Variants in TMEM150C observed in about 807,000 individuals in gnomAD.
The protein encoded by TMEM150C is tentonin 3.
A neutral mutation model predicts 29.9 loss-of-function variants in TMEM150C; 10 were observed. The ratio of observed to expected loss-of-function variants is 0.33; its 90% CI spans 0.21 to 0.57. TMEM150C has a LOEUF of 0.57. Among genes scored for constraint, TMEM150C ranks in the 20% least tolerant of loss-of-function variants. The probability of loss-of-function intolerance (pLI) is 0.88; values close to 1 mark genes in which losing one functional copy is unlikely to be tolerated. For synonymous variants in TMEM150C, 101 were observed against 112.5 expected, an observed-to-expected ratio of 0.90 and a Z score of 0.64; for missense variants, 251 against 303.6, an observed-to-expected ratio of 0.83 and a Z score of 1.29.
In TMEM150C at chr4:82,518,723, C is replaced by T. The variant is rs1254152438; in HGVS notation, c.-10-14056G>A. ...CTGCCCAGTTTCTAGACAATGGGCACTGTTGTACCTTTCAGGACTTGCCAC... is the reference window on the plus strand; with the variant it reads ...CTGCCCAGTTTCTAGACAATGGGCATTGTTGTACCTTTCAGGACTTGCCAC... On this transcript the variant is annotated intron_variant, in intron 1 of 7. Transcript: ENST00000449862. 2.6e-5 allele frequency among the ~76,000 whole-genome samples: 4 copies of T among 152,344 alleles called. No homozygotes were observed. The East Asian group carries it at 5.8e-4, about 22-fold the overall frequency.
At chr4:82,491,682 T>C (rs1723354243) in intron 6 of TMEM150C, 2 of 479,400 alleles carry the variant, frequency 4.2e-6, no homozygotes. Context: ...TTTTTATTTT[T>C]ATAGAGATGG....
chr4:82,491,223 G>A, intron 6 of TMEM150C: 1 of 686,892 alleles, frequency 1.5e-6, no homozygotes, highest in Admixed American at 2.0e-5. Flanking sequence ...TCGAAGGGCA[G>A]GTGGTCTCTT....
At chr4:82,493,508 G>A (rs1723438241) in intron 6 of TMEM150C, among the ~76,000 whole-genome samples, 1 of 152,120 alleles carries the variant, frequency 6.6e-6, no homozygotes, top group African/African-American at 2.4e-5. Context: ...CATGTATTCT[G>A]TTATATTCCG....
chr4:82,527,059 A>G (rs1578142170), intron 1 of TMEM150C, among the ~76,000 whole-genome samples: 1 of 109,358 alleles, frequency 9.1e-6, no homozygotes, highest in Non-Finnish European at 1.7e-5. Flanking sequence ...ATAATTGCCC[A>G]TATCTCCTAT....
chr4:82,516,804 G>A (rs1458553140), intron 1 of TMEM150C, among the ~76,000 whole-genome samples: 1 of 152,158 alleles, frequency 6.6e-6, no homozygotes, highest in Admixed American at 6.5e-5. Flanking sequence ...CCTTCAAATA[G>A]TCTCTTAGAA....
At position 82,519,089 on chromosome 4, in the gene TMEM150C, G is replaced by A. The variant is rs192487251; in HGVS notation, c.-10-14422C>T. Among the ~76,000 whole-genome samples the A allele has an allele frequency of 2.6e-5, 4 of 152,274 alleles. No individual in the cohort carries two copies. The East Asian group carries it at 5.8e-4, about 22-fold the overall frequency. ...AGCAAACTGCTTTGATTTGGAGGAC[G>A]AGTGTTAGTCTTCTGGAAAGAGGCA... is the stretch of plus-strand genomic sequence containing the variant. On this transcript the variant is annotated intron_variant, in intron 1 of 7. Coordinates refer to ENST00000449862, the MANE Select transcript of TMEM150C (RefSeq NM_001080506.3).
chr4:82,490,201 G>T lies in TMEM150C; in HGVS notation c.401C>A (p.Ser134Tyr). Residue 134 changes from serine to tyrosine, a missense_variant, in exon 7 of 8, where the codon TCC becomes TAC. Coordinates refer to ENST00000449862, the MANE Select transcript of TMEM150C (RefSeq NM_001080506.3). ...CAATGTGCCAAATCCAAAGGTCAAGGAAGTTCCGACGTTATGGATTTCTTC... is the reference window on the plus strand; with the variant it reads ...CAATGTGCCAAATCCAAAGGTCAAGTAAGTTCCGACGTTATGGATTTCTTC... ...NDEEIHNVGTSLTFGFGTLTC... is the reference protein window; with the variant it reads ...NDEEIHNVGTYLTFGFGTLTC... 1 of 1,614,020 alleles carries T rather than the reference G, an allele frequency of 6.2e-7. No homozygotes were observed. Among genetic ancestry groups the T allele is most frequent in the African/African-American group, 1.3e-5 (1 of 75,058 alleles).
intron 5 of TMEM150C, among the ~76,000 whole-genome samples, chr4:82,499,777 T>C (rs1425116113): frequency 6.7e-6 from 1 of 149,886 alleles, no homozygotes; most frequent in Non-Finnish European, 1.5e-5. Flanking sequence ...TTTTTCTAAT[T>C]ACATTTTAAA....
chr4:82,485,939 T>TTA (rs1168107938), intron 7 of TMEM150C, among the ~76,000 whole-genome samples: 2 of 152,240 alleles, frequency 1.3e-5, no homozygotes, highest in Non-Finnish European at 2.9e-5. Flanking sequence ...CTTTCATGGA[T>TTA]AGTATCACTT....
At chr4:82,522,288 TAG>T (rs1179066121) in intron 1 of TMEM150C, among the ~76,000 whole-genome samples, 1 of 152,112 alleles carries the variant, frequency 6.6e-6, no homozygotes, top group Non-Finnish European at 1.5e-5. Flanking sequence ...TGAAACAATG[TAG>T]AGAGACGAAA....
At chr4:82,536,453 A>G (rs1471590709) in intron 1 of TMEM150C, among the ~76,000 whole-genome samples, 4 of 152,176 alleles carry the variant, frequency 2.6e-5, no homozygotes, top group African/African-American at 9.7e-5. Flanking sequence ...TAGATACTCA[A>G]ATCACACACA....
At chr4:82,534,720 T>C (rs1164966472) in intron 1 of TMEM150C, among the ~76,000 whole-genome samples, 1 of 152,194 alleles carries the variant, frequency 6.6e-6, no homozygotes, top group Non-Finnish European at 1.5e-5. Context: ...AAACTTGTCT[T>C]CTTAACATGC....
intron 1 of TMEM150C, among the ~76,000 whole-genome samples, chr4:82,529,363 A>G (rs28416146): frequency 0.069 from 10,211 of 148,042 alleles, 555 homozygotes; most frequent in African/African-American, 0.15. Context: ...ATCACAGCTC[A>G]CTCCAGCCTC....
chr4:82,555,726 T>A (rs1725715078), intron 1 of TMEM150C, among the ~76,000 whole-genome samples: 1 of 152,238 alleles, frequency 6.6e-6, no homozygotes, highest in South Asian at 2.1e-4. Context: ...TTGCGTGGGT[T>A]CCTATTCTGC....
At chr4:82,513,595 T>C (rs1560487457) in intron 1 of TMEM150C, among the ~76,000 whole-genome samples, 2 of 152,022 alleles carry the variant, frequency 1.3e-5, no homozygotes, top group South Asian at 4.1e-4. Context: ...CTGACCTAAC[T>C]TGAAAAGCAG....
At chr4:82,503,885 CAT>C (rs980110060) in intron 2 of TMEM150C, among the ~76,000 whole-genome samples, 3 of 151,750 alleles carry the variant, frequency 2.0e-5, no homozygotes, top group Non-Finnish European at 2.9e-5. Context: ...AAAACAAAAA[CAT>C]ATCAGACCCA....
chr4:82,491,101 G>A (rs1013246400), intron 6 of TMEM150C: 35 of 704,440 alleles, frequency 5.0e-5, no homozygotes, highest in Non-Finnish European at 1.8e-5. Flanking sequence ...CCCATTTTAC[G>A]ACACAGGGCA....
chr4:82,500,620 A>G (rs1462136503), intron 5 of TMEM150C, among the ~76,000 whole-genome samples: 1 of 152,176 alleles, frequency 6.6e-6, no homozygotes, highest in Non-Finnish European at 1.5e-5. Flanking sequence ...GATGACAAAT[A>G]TCATCTGGAA....
chr4:82,517,110 C>A (rs758826246), intron 1 of TMEM150C, among the ~76,000 whole-genome samples: 2 of 152,224 alleles, frequency 1.3e-5, no homozygotes, highest in Non-Finnish European at 2.9e-5. Context: ...TGAAAGGTGA[C>A]CCAATGTAGT....
Sources: allele counts gnomAD v4.1 joint callset (sites outside exome capture counted in the v4.1 genomes callset), GRCh38; gene constraint gnomAD v4.1.1; transcripts MANE v1.5; gene names NCBI Gene and HGNC (gene_info 2026-07-23, HGNC 2026-07-21).